The following IQSEC3 variants were observed in gnomAD, a reference collection of about 807,000 sequenced individuals.
IQSEC3 encodes the protein IQ motif and Sec7 domain ArfGEF 3, also known as IQ motif and SEC7 domain-containing protein 3.
In IQSEC3, 50 loss-of-function variants were observed where a neutral mutation model predicts 105.4. The ratio of observed to expected loss-of-function variants is 0.47; its 90% CI spans 0.38 to 0.60. The LOEUF is 0.60. Among genes scored for constraint, IQSEC3 ranks in the 20% least tolerant of loss-of-function variants. The probability of loss-of-function intolerance (pLI) is 0.00; values close to 1 mark genes in which losing one functional copy is unlikely to be tolerated. For missense variants in IQSEC3, 1,415 were observed against 1,630.0 expected (o/e 0.87, Z 2.27); for synonymous variants, 708 against 746.0 (o/e 0.95, Z 0.83).
chr12:125,100 G>A (rs1865341926), intron 2 of IQSEC3, among the ~76,000 whole-genome samples: 1 of 152,144 alleles, frequency 6.6e-6, no homozygotes, highest in Admixed American at 6.5e-5. Flanking sequence ...GCTTAGTGTA[G>A]ATCAGCTTCC....
intron 9 of IQSEC3, among the ~76,000 whole-genome samples, 200 bp downstream of exon 9, chr12:163,819 A>G (rs1867040081): frequency 6.6e-6 from 1 of 151,472 alleles, no homozygotes. Flanking sequence ...GCTAATTCCT[A>G]CCTCATAAGT....
chr12:170,012 C>T (rs538710049), intron 12 of IQSEC3, among the ~76,000 whole-genome samples: 15 of 152,344 alleles, frequency 9.8e-5, no homozygotes, highest in Non-Finnish European at 1.8e-4. Flanking sequence ...CCGCCACAGT[C>T]GGCCCTGAGT....
rs1248083882 is a variant in IQSEC3 at position 157,036 on chromosome 12, A to G, written c.2165A>G (p.Asp722Gly). Residue 722 changes from aspartate (D) to glycine (G), a missense_variant, in exon 6 of 14, where the codon GAC becomes GGC. Transcript: ENST00000538872. ...FNRDVLDCVVDEMDFSSMELD... is the reference protein window; with the variant it reads ...FNRDVLDCVVGEMDFSSMELD... ...CTGCCTGCCCTCAGCTGCGTGGTGG[A>G]CGAGATGGACTTCTCCAGCATGGAG... is the stretch of plus-strand genomic sequence containing the variant. The G allele has an allele frequency of 3.7e-6, 6 of 1,603,038 alleles. No homozygotes were observed. Among genetic ancestry groups the G allele is most frequent in the Non-Finnish European group, 5.1e-6 (6 of 1,174,216 alleles).
chr12:73,089 A>AATAAATAT (rs1458289384), intron 1 of IQSEC3, among the ~76,000 whole-genome samples: 1 of 149,544 alleles, frequency 6.7e-6, no homozygotes, highest in Non-Finnish European at 1.5e-5. Flanking sequence ...TAAATAAATA[A>AATAAATAT]ATAAATAAAA....
intron 1 of IQSEC3, among the ~76,000 whole-genome samples, chr12:75,632 C>T (rs1278138643): frequency 6.6e-6 from 1 of 152,234 alleles, no homozygotes; most frequent in African/African-American, 2.4e-5. Context: ...AGCTGGCAGG[C>T]AGCAGAGGTT....
intron 1 of IQSEC3, among the ~76,000 whole-genome samples, chr12:70,005 T>C (rs1863249288): frequency 6.6e-6 from 1 of 152,270 alleles, no homozygotes; most frequent in Admixed American, 6.5e-5. Context: ...CCCGCAGAAC[T>C]GGTTCTCTAC....
At chr12:110,888 GC>G (rs1213489078) in intron 2 of IQSEC3, among the ~76,000 whole-genome samples, 1 of 152,168 alleles carries the variant, frequency 6.6e-6, no homozygotes, top group African/African-American at 2.4e-5. Flanking sequence ...TTAGACATCT[GC>G]TGTTTAGAAG....
chr12:156,325 G>A (rs1487278735), intron 5 of IQSEC3, among the ~76,000 whole-genome samples: 1 of 152,212 alleles, frequency 6.6e-6, no homozygotes, highest in Non-Finnish European at 1.5e-5. Context: ...GCAAGCCAGA[G>A]TCACACCAAG....
chr12:127,055 T>A (rs1471097297), intron 3 of IQSEC3, among the ~76,000 whole-genome samples: 1 of 152,096 alleles, frequency 6.6e-6, no homozygotes, highest in African/African-American at 2.4e-5. Flanking sequence ...AACCGAATTA[T>A]CCAAAAAATA....
chr12:176,222 C>G lies in IQSEC3; in HGVS notation c.*1189C>G, dbSNP rs1043135322. ...TTGCAAAGGAGACCCAAGCGGGGCTCGCTGACCTCCCAGGGCCCAGCAAGA... is the reference window on the plus strand; with the variant it reads ...TTGCAAAGGAGACCCAAGCGGGGCTGGCTGACCTCCCAGGGCCCAGCAAGA... On this transcript the variant is annotated 3_prime_UTR_variant, in exon 14 of 14. Coordinates refer to ENST00000538872, the MANE Select transcript of IQSEC3 (RefSeq NM_001170738.2). The surrounding 1 kb of genome is among the most constrained non-coding windows in gnomAD (Gnocchi z 4.0). 6.6e-6 allele frequency: 1 copy of G among 152,326 alleles called. No individual in the cohort carries two copies. Among genetic ancestry groups the G allele is most frequent in the Non-Finnish European group, 1.5e-5 (1 of 68,032 alleles). 9.4% of individuals were successfully genotyped at this position (152,326 alleles called of 1,614,324 possible).
Position 66,951 on chromosome 12 carries a change from G to A in IQSEC3, c.69G>A (p.Gln23=), listed in dbSNP as rs1555065450. 1 of 1,528,980 alleles carries A rather than the reference G, an allele frequency of 6.5e-7. No individual in the cohort carries two copies. The highest frequency in any genetic ancestry group is 8.7e-7 in the Non-Finnish European group (1 of 1,144,000). The allele number at this position is 1,528,980 out of a possible 1,614,324, so 94.7% of individuals were successfully genotyped here. A position where few individuals can be genotyped will look rare whatever the true frequency, so the allele number is the denominator to read the frequency against. ...TCAAGGAGCTCACGGCCATCGTGCA[G>A]AACCAGCAGAGCCTCATCCACACCC... ...LYLKELTAIV[Q]NQQSLIHTQR... Residue 23 remains glutamine (Q), a synonymous_variant, in exon 1 of 14, where the codon CAG becomes CAA. Coordinates refer to ENST00000538872, the MANE Select transcript of IQSEC3 (RefSeq NM_001170738.2).
chr12:171,049 G>C, intron 12 of IQSEC3, 63 bp from the exon 13 acceptor site: 7 of 1,597,564 alleles, frequency 4.4e-6, no homozygotes, highest in Non-Finnish European at 6.0e-6. Context: ...GAGGGGCACA[G>C]GGGAGGGGCA....
At position 99,284 on chromosome 12, in the gene IQSEC3, C is replaced by G. The variant is rs1384290154; in HGVS notation, c.623+70C>G. 3 of 1,390,350 alleles carry G rather than the reference C, an allele frequency of 2.2e-6. No individual in the cohort carries two copies. In the African/African-American group the frequency reaches 4.3e-5, roughly 20 times the overall value. 86.1% of individuals were successfully genotyped at this position (1,390,350 alleles called of 1,614,324 possible). ...TCCTGTTACAACAAAGCACGTACCA[C>G]TGCACTAGCTATTGGGCCTCCTCCT... is the stretch of plus-strand genomic sequence containing the variant. On this transcript the variant is annotated intron_variant, in intron 2 of 13. Coordinates refer to ENST00000538872, the MANE Select transcript of IQSEC3 (RefSeq NM_001170738.2).
rs565882063 is a variant in IQSEC3 at position 70,175 on chromosome 12, T to G, written c.554+2739T>G. ...GTGAGGGTTTCCAGAGGCCAGGCAC[T>G]CTGGTAGATGCATTATGTCCTCACA... On this transcript the variant is annotated intron_variant, in intron 1 of 13. Coordinates refer to ENST00000538872, the MANE Select transcript of IQSEC3 (RefSeq NM_001170738.2). 3.3e-5 allele frequency among the ~76,000 whole-genome samples: 5 copies of G among 152,378 alleles called. No individual in the cohort carries two copies. In the South Asian group the frequency reaches 1.0e-3, roughly 32 times the overall value.
intron 2 of IQSEC3, among the ~76,000 whole-genome samples, chr12:120,374 C>T (rs1865179572): frequency 6.6e-6 from 1 of 152,100 alleles, no homozygotes; most frequent in South Asian, 2.1e-4. Flanking sequence ...ACGGAGTGGA[C>T]AGGTCACTCG....
intron 5 of IQSEC3, among the ~76,000 whole-genome samples, chr12:147,491 A>C (rs896037377): frequency 1.3e-5 from 2 of 152,182 alleles, no homozygotes; most frequent in Admixed American, 1.3e-4. Flanking sequence ...GTCTGAAGCC[A>C]GGCACAATGA....
At chr12:98,984 A>G (rs1555075382) in intron 1 of IQSEC3, among the ~76,000 whole-genome samples, 162 bp from the exon 2 acceptor site, 1 of 152,042 alleles carries the variant, frequency 6.6e-6, no homozygotes, top group African/African-American at 2.4e-5. Flanking sequence ...TCGATGCTGC[A>G]CTCTTGCCCA....
chr12:162,899 G>A (rs141307652), intron 8 of IQSEC3, among the ~76,000 whole-genome samples: 1,834 of 152,234 alleles, frequency 0.012, 21 homozygotes, highest in Non-Finnish European at 0.018. Flanking sequence ...CAAGGTTACG[G>A]AGGGAAGCAG....
chr12:99,733 G>A (rs1345185796), intron 2 of IQSEC3, among the ~76,000 whole-genome samples: 1 of 152,188 alleles, frequency 6.6e-6, no homozygotes, highest in Non-Finnish European at 1.5e-5. Context: ...CGGGAGTGTT[G>A]AGGAGTCAGG....
Sources: gnomAD v4.1 joint callset for allele counts (sites outside exome capture counted in the v4.1 genomes callset) on GRCh38, gnomAD v4.1.1 for gene constraint, Gnocchi (gnomAD v3.1) non-coding constraint, MANE v1.5 for transcripts, NCBI Gene and HGNC (gene_info 2026-07-23, HGNC 2026-07-21) for gene names.